Variants in LRRN4 observed in about 807,000 individuals in gnomAD.
The protein encoded by LRRN4 is leucine rich repeat neuronal 4, also known as leucine-rich repeat neuronal protein 4.
LRRN4 carries 26 observed loss-of-function variants against 22.3 expected under a neutral mutation model. That is an observed-to-expected ratio of 1.16 (90% confidence interval 0.85 to 1.62). LRRN4 has a LOEUF of 1.62. Ranked by LOEUF, LRRN4 falls within the 40% of genes most tolerant of loss-of-function variation. The probability of loss-of-function intolerance (pLI) is 0.00; values close to 1 mark genes in which losing one functional copy is unlikely to be tolerated. For synonymous variants in LRRN4, 496 were observed against 486.2 expected (o/e 1.02, Z -0.26); for missense variants, 1,070 against 1,008.5 (o/e 1.06, Z -0.83).
intron 4 of LRRN4, among the ~76,000 whole-genome samples, chr20:6,043,604 G>A (rs1355412029): frequency 6.6e-6 from 1 of 151,736 alleles, no homozygotes; most frequent in Admixed American, 6.6e-5. Flanking sequence ...GGCTTGGGTG[G>A]GAGATGAGAA....
At chr20:6,047,912 A>G (rs1981148760) in intron 3 of LRRN4, among the ~76,000 whole-genome samples, 1 of 152,154 alleles carries the variant, frequency 6.6e-6, no homozygotes. Flanking sequence ...ATCTATCAGA[A>G]GGCAGTAAGG....
intron 2 of LRRN4, among the ~76,000 whole-genome samples, chr20:6,051,251 G>A (rs1353033009): frequency 6.6e-6 from 1 of 152,196 alleles, no homozygotes; most frequent in African/African-American, 2.4e-5. Flanking sequence ...GCTGGAAAGC[G>A]GCAGAGACAA....
At chr20:6,045,866 G>A (rs1981089032) in intron 3 of LRRN4, among the ~76,000 whole-genome samples, 1 of 148,930 alleles carries the variant, frequency 6.7e-6, no homozygotes, top group Admixed American at 6.7e-5. Flanking sequence ...TATTCACATG[G>A]TAGTGGAGGG....
chr20:6,041,441 C>T lies in LRRN4; in HGVS notation c.1804G>A (p.Ala602Thr). Residue 602 changes from alanine (A) to threonine (T), a missense_variant, in exon 5 of 5, where the codon GCC (alanine) becomes ACC (threonine). By Grantham distance (58) the Ala-to-Thr change is moderately conservative (BLOSUM62 0). Coordinates refer to ENST00000378858, the MANE Select transcript of LRRN4 (RefSeq NM_152611.5). The surrounding 1 kb of genome is among the most constrained non-coding windows in gnomAD (Gnocchi z 9.4). ...TACCCATGCACTACCGAGTTGGGGG[C>T]ACACCAGTGGACCAGCGCCGACGTG... ...TDTSALVHWC[A>T]PNSVVHGYQI... is the part of the protein sequence containing the mutation. 6.4e-7 allele frequency: 1 copy of T among 1,555,060 alleles called. No homozygotes were observed.
In LRRN4 at chr20:6,041,030, C is replaced by T. The variant is rs1301411168; in HGVS notation, c.2215G>A (p.Val739Ile). Residue 739 changes from valine to isoleucine, a missense_variant, in exon 5 of 5, where the codon GTC (valine) becomes ATC (isoleucine). Coordinates refer to ENST00000378858, the MANE Select transcript of LRRN4 (RefSeq NM_152611.5). The surrounding 1 kb of genome is among the most constrained non-coding windows in gnomAD (Gnocchi z 9.4). ...FDDYPLGLQT[V>I]S ...TTATCCCAGAAGCTGGGCTAACTGA[C>T]GGTCTGGAGCCCCAGCGGGTAATCA... 3 of 1,613,530 alleles carry T rather than the reference C, an allele frequency of 1.9e-6. No individual in the cohort carries two copies. Among genetic ancestry groups the T allele is most frequent in the African/African-American group, 2.7e-5 (2 of 74,908 alleles).
rs569590193 is a variant in LRRN4, at chr20:6,047,148, G to A, written c.861-2468C>T. 7.2e-5 allele frequency among the ~76,000 whole-genome samples: 11 copies of A among 152,212 alleles called. No homozygotes were observed. The South Asian group carries it at 1.0e-3, about 14-fold the overall frequency. On this transcript the variant is annotated intron_variant, in intron 3 of 4. Transcript: ENST00000378858. ...TTCTGCCACCCAGTGCCACCTACAC[G>A]TGATGAAGTCCCACATGCTGAGGAA...
At position 6,040,563 on chromosome 20, in the gene LRRN4, C is replaced by T. The variant is rs1423819156; in HGVS notation, c.*459G>A. Among the ~76,000 whole-genome samples, 1 of 152,242 alleles carries T rather than the reference C, an allele frequency of 6.6e-6. No homozygotes were observed. Among genetic ancestry groups the T allele is most frequent in the Admixed American group, 6.5e-5 (1 of 15,284 alleles). On this transcript the variant is annotated 3_prime_UTR_variant, in exon 5 of 5. Transcript: ENST00000378858. ...ACTGGAAATCCACTGGAATTGATTTCTTGAATAACAGAGCTCGTTGTGTCT... is the reference window on the plus strand; with the variant it reads ...ACTGGAAATCCACTGGAATTGATTTTTTGAATAACAGAGCTCGTTGTGTCT...
rs148255439 is a variant in LRRN4 at position 6,050,493 on chromosome 20, C to T, written c.860+286G>A. 2.0e-5 allele frequency among the ~76,000 whole-genome samples: 3 copies of T among 152,328 alleles called. No individual in the cohort carries two copies. In the East Asian group the frequency reaches 5.8e-4, roughly 29 times the overall value. On this transcript the variant is annotated intron_variant, in intron 3 of 4. Transcript: ENST00000378858. ...GACCTGAGGTCCTCCTCACCTCTTC[C>T]CACTGTAAATTTCTAAGACTGGGCT...
At chr20:6,051,128 C>T in intron 2 of LRRN4, 145 bp from the exon 3 acceptor site, 1 of 728,914 alleles carries the variant, frequency 1.4e-6, no homozygotes, top group African/African-American at 1.8e-5. Flanking sequence ...CTGGGAATCT[C>T]AGAATTGTGG....
In LRRN4 at chr20:6,050,920, C is replaced by A; in HGVS notation, c.719G>T (p.Arg240Leu). The A allele has an allele frequency of 6.2e-7, 1 of 1,614,066 alleles. No homozygotes were observed. The highest frequency in any genetic ancestry group is 8.5e-7 in the Non-Finnish European group (1 of 1,180,008). ...AATGTCCCCCTCCAGGGTCGTCAGC[C>A]GAGGCATCTTCCTCAGGTAGAGGGA... ...LTSLYLRKMP[R>L]LTTLEGDIFK... Residue 240 changes from arginine (R) to leucine (L), a missense_variant, in exon 3 of 5, where the codon CGG becomes CTG. Transcript: ENST00000378858.
At chr20:6,045,050 A>T (rs1174766523) in intron 3 of LRRN4, among the ~76,000 whole-genome samples, 1 of 135,450 alleles carries the variant, frequency 7.4e-6, no homozygotes, top group Non-Finnish European at 1.7e-5. Context: ...AGAGGATTAC[A>T]TTTTTTTTCT....
At position 6,041,235 on chromosome 20, in the gene LRRN4, C is replaced by T. The variant is rs764735385; in HGVS notation, c.2010G>A (p.Pro670=). The T allele has an allele frequency of 1.3e-6, 2 of 1,581,278 alleles. No individual in the cohort carries two copies. Among genetic ancestry groups the T allele is most frequent in the Non-Finnish European group, 1.7e-6 (2 of 1,163,356 alleles). The change falls in exon 5 of 5, where the codon CCG becomes CCA. Residue 670 remains proline (P), a synonymous_variant. Transcript: ENST00000378858. This position sits in a 1 kb window ranked among gnomAD's most constrained non-coding sequence, Gnocchi z 9.4. ...TGGGCTTGGTGGTGAAGGCGGCGCA[C>T]GGGCTCCTCCAGCCCGAAGACCGTG... The part of the protein sequence containing the change: ...SQPRSSGWRS[P]CAAFTTKPSF...
intron 2 of LRRN4, 66 bp from the exon 3 acceptor site, chr20:6,051,049 T>A: frequency 7.0e-7 from 1 of 1,436,098 alleles, no homozygotes; most frequent in Non-Finnish European, 9.7e-7. Flanking sequence ...CAGCACGGCA[T>A]GAAGGAAGAA....
chr20:6,050,650 C>A (rs1469211596), intron 3 of LRRN4, 129 bp downstream of exon 3: 6 of 960,096 alleles, frequency 6.2e-6, no homozygotes, highest in Non-Finnish European at 9.8e-6. Flanking sequence ...TGGGGGAAAA[C>A]AAAGCCCCAG....
Position 6,052,761 on chromosome 20 carries a change from CA to C in LRRN4, c.38del (p.Leu13ArgfsTer47). On this transcript the variant is annotated frameshift_variant, in exon 2 of 5. Coordinates refer to ENST00000378858, the MANE Select transcript of LRRN4 (RefSeq NM_152611.5). LOFTEE classifies it high-confidence loss of function. ...GGGGAGGGTCTGCCCAGCTGGGGCGCAGCACCGTCAGCAGCAGCAGCGGTAG... is the reference window on the plus strand; with the variant it reads ...GGGGAGGGTCTGCCCAGCTGGGGCGCGCACCGTCAGCAGCAGCAGCGGTAG... ...QTLPLLLLTV[L>X]RPSWADPPQE... 6.4e-7 allele frequency: 1 copy of C among 1,574,480 alleles called. No homozygotes were observed. Among genetic ancestry groups the C allele is most frequent in the Non-Finnish European group, 8.6e-7 (1 of 1,167,904 alleles).
chr20:6,050,630 A>C, intron 3 of LRRN4, 149 bp downstream of exon 3: 2 of 809,472 alleles, frequency 2.5e-6, no homozygotes, highest in Admixed American at 4.8e-5. Flanking sequence ...CCAAGATATC[A>C]CCCAAAGGGT....
In LRRN4 at chr20:6,041,005, T is replaced by C. The variant is rs923577514; in HGVS notation, c.*17A>G. ...CTCAGATCCAGTTCGATGAGACGCG[T>C]TATCCCAGAAGCTGGGCTAACTGAC... On this transcript the variant is annotated 3_prime_UTR_variant, in exon 5 of 5. Coordinates refer to ENST00000378858, the MANE Select transcript of LRRN4 (RefSeq NM_152611.5). This position sits in a 1 kb window ranked among gnomAD's most constrained non-coding sequence, Gnocchi z 9.4. 6.2e-7 allele frequency: 1 copy of C among 1,609,534 alleles called. No individual in the cohort carries two copies. Among genetic ancestry groups the C allele is most frequent in the African/African-American group, 1.3e-5 (1 of 74,814 alleles).
chr20:6,053,583 G>A lies in LRRN4; in HGVS notation c.-6+247C>T, dbSNP rs147102141. Among the ~76,000 whole-genome samples, 13 of 152,238 alleles carry A rather than the reference G, an allele frequency of 8.5e-5. No homozygotes were observed. The East Asian group carries it at 2.3e-3, about 27-fold the overall frequency. ...AAGCAGAGGAAGATCCGGCAGCCATGGGCTAGCTTGGGAGTGGCAAAGATA... is the reference window on the plus strand; with the variant it reads ...AAGCAGAGGAAGATCCGGCAGCCATAGGCTAGCTTGGGAGTGGCAAAGATA... On this transcript the variant is annotated intron_variant, in intron 1 of 4. Coordinates refer to ENST00000378858, the MANE Select transcript of LRRN4 (RefSeq NM_152611.5).
rs1406977004 is a variant in LRRN4, at chr20:6,052,167, G to A, written c.633C>T (p.Leu211=). ...CACCCCGTTCAAGGAACGTGCCGCT[G>A]AGATCCAGGACTTCGAGCGTGACCA... The part of the protein sequence containing the change: ...APLVTLEVLD[L]SGTFLERVES... Residue 211 remains leucine (L), a synonymous_variant, in exon 2 of 5, where the codon CTC becomes CTT. Transcript: ENST00000378858. The A allele has an allele frequency of 1.3e-6, 2 of 1,599,134 alleles. No individual in the cohort carries two copies. Among genetic ancestry groups the A allele is most frequent in the African/African-American group, 2.7e-5 (2 of 74,638 alleles).
Sources: allele counts gnomAD v4.1 joint callset (sites outside exome capture counted in the v4.1 genomes callset), GRCh38; gene constraint gnomAD v4.1.1; non-coding constraint Gnocchi (gnomAD v3.1); transcripts MANE v1.5; gene names NCBI Gene and HGNC (gene_info 2026-07-23, HGNC 2026-07-21).